Variants in TYR observed in about 807,000 individuals in gnomAD.
TYR encodes LB24-AB.
TYR carries 58 observed loss-of-function variants against 51.5 expected under a neutral mutation model. That is an observed-to-expected ratio of 1.13 (90% CI 0.91 to 1.40). TYR has a LOEUF of 1.40. Ranked by LOEUF, TYR falls within the 40% of genes most tolerant of loss-of-function variation. The pLI, the probability that TYR is intolerant of heterozygous loss-of-function variation, is 0.00. For synonymous variants in TYR, 263 were observed against 235.2 expected, an observed-to-expected ratio of 1.12 and a Z score of -1.08; for missense variants, 732 against 647.4, an observed-to-expected ratio of 1.13 and a Z score of -1.42.
chr11:89,266,555 T>C (rs1378705032), intron 3 of TYR, among the ~76,000 whole-genome samples: 1 of 151,952 alleles, frequency 6.6e-6, no homozygotes, highest in Non-Finnish European at 1.5e-5. Context: ...CCAATCTGCG[T>C]AACACCTCCA....
At chr11:89,247,821 G>T (rs1223628242) in intron 3 of TYR, among the ~76,000 whole-genome samples, 1 of 152,150 alleles carries the variant, frequency 6.6e-6, no homozygotes, top group African/African-American at 2.4e-5. Context: ...GGATATTTAG[G>T]CAGACAGAAG....
chr11:89,221,177 G>A (rs1943907765), intron 2 of TYR, among the ~76,000 whole-genome samples: 1 of 152,208 alleles, frequency 6.6e-6, no homozygotes, highest in South Asian at 2.1e-4. Flanking sequence ...GTGACTCACT[G>A]TTAGGGTTAG....
chr11:89,208,445 C>A (rs149626900), intron 2 of TYR, among the ~76,000 whole-genome samples: 30 of 152,032 alleles, frequency 2.0e-4, no homozygotes, highest in Non-Finnish European at 3.7e-4. Context: ...TCAAGAGAAC[C>A]AATGTGTAAC....
At chr11:89,262,789 CAAG>C (rs1430552027) in intron 3 of TYR, among the ~76,000 whole-genome samples, 2 of 76,850 alleles carry the variant, frequency 2.6e-5, no homozygotes, top group African/African-American at 5.2e-5. Context: ...AAAACAGACT[CAAG>C]AAGAAATAGA....
intron 3 of TYR, among the ~76,000 whole-genome samples, chr11:89,255,909 T>C (rs1944385501): frequency 6.6e-6 from 1 of 151,708 alleles, no homozygotes; most frequent in African/African-American, 2.4e-5. Flanking sequence ...TCAGAAATTT[T>C]TGATATTTAT....
At chr11:89,189,273 TA>T (rs1453879316) in intron 1 of TYR, among the ~76,000 whole-genome samples, 1 of 152,054 alleles carries the variant, frequency 6.6e-6, no homozygotes, top group African/African-American at 2.4e-5. Context: ...TTTTGTGATG[TA>T]AATGAAACAA....
chr11:89,216,199 G>A (rs1380081573), intron 2 of TYR, among the ~76,000 whole-genome samples: 4 of 152,086 alleles, frequency 2.6e-5, no homozygotes. Flanking sequence ...AGAAAATGCA[G>A]TAAGAAAAAG....
intron 2 of TYR, among the ~76,000 whole-genome samples, chr11:89,212,383 C>T (rs1017681869): frequency 1.9e-4 from 29 of 152,142 alleles, no homozygotes; most frequent in Non-Finnish European, 7.4e-5. Flanking sequence ...CAAGACTAAA[C>T]CAGGAAGAAG....
At chr11:89,237,641 T>C (rs2135288781) in intron 3 of TYR, among the ~76,000 whole-genome samples, 1 of 152,302 alleles carries the variant, frequency 6.6e-6, no homozygotes, top group Admixed American at 6.5e-5. Flanking sequence ...CCTGCTTTGT[T>C]TTTATTACTC....
chr11:89,283,284 A>G (rs1454510594), intron 3 of TYR, among the ~76,000 whole-genome samples: 2 of 151,712 alleles, frequency 1.3e-5, no homozygotes, highest in Non-Finnish European at 2.9e-5. Context: ...CCTCTAATAA[A>G]CAGAATTGTT....
At chr11:89,198,513 A>G (rs899401147) in intron 2 of TYR, among the ~76,000 whole-genome samples, 15 of 152,102 alleles carry the variant, frequency 9.9e-5, no homozygotes, top group Non-Finnish European at 1.6e-4. Flanking sequence ...CTTGATAACC[A>G]CATTGGTATT....
chr11:89,219,183 A>G (rs1156808731), intron 2 of TYR, among the ~76,000 whole-genome samples: 1 of 152,210 alleles, frequency 6.6e-6, no homozygotes, highest in Admixed American at 6.5e-5. Context: ...GCCAAATTCC[A>G]AACAATAGAC....
intron 1 of TYR, among the ~76,000 whole-genome samples, chr11:89,184,747 T>A (rs543915159): frequency 6.6e-6 from 1 of 152,166 alleles, no homozygotes; most frequent in African/African-American, 2.4e-5. Flanking sequence ...CTAAAAAACA[T>A]GTTCATTGCC....
At chr11:89,244,934 G>T (rs182994464) in intron 3 of TYR, among the ~76,000 whole-genome samples, 2 of 152,306 alleles carry the variant, frequency 1.3e-5, no homozygotes, top group African/African-American at 4.8e-5. Context: ...AGTAATAGTG[G>T]CTCAATAGGA....
intron 3 of TYR, among the ~76,000 whole-genome samples, chr11:89,271,710 T>C (rs1944590542): frequency 6.6e-6 from 1 of 151,942 alleles, no homozygotes; most frequent in African/African-American, 2.4e-5. Flanking sequence ...GTGATGCTGT[T>C]TGATAGCATT....
In TYR at chr11:89,295,377, C is replaced by T; in HGVS notation, c.*11C>T. On this transcript the variant is annotated 3_prime_UTR_variant, in exon 5 of 5. Transcript: ENST00000263321. Reference sequence around the variant, plus strand: ...CAGAGCCATTTATAAAAGGCTTAGGCAATAGAGTAGGGCCAAAAAGCCTGA... The same window carrying T: ...CAGAGCCATTTATAAAAGGCTTAGGTAATAGAGTAGGGCCAAAAAGCCTGA... The T allele has an allele frequency of 1.3e-6, 2 of 1,574,248 alleles. No individual in the cohort carries two copies. Among genetic ancestry groups the T allele is most frequent in the Non-Finnish European group, 8.7e-7 (1 of 1,149,294 alleles).
rs538268401 is a variant in TYR, at chr11:89,211,830, C to T, written c.1037-15993C>T. 1.3e-5 allele frequency among the ~76,000 whole-genome samples: 2 copies of T among 152,268 alleles called. 1 individual carries two copies. Among genetic ancestry groups the T allele is most frequent in the Middle Eastern group, 6.8e-3 (2 of 294 alleles). ...ACACAACTACATGGAAACTGAACAA[C>T]CTGCTCCTAAATGACTGCTGGGTAA... On this transcript the variant is annotated intron_variant, in intron 2 of 4. Coordinates refer to ENST00000263321, the MANE Select transcript of TYR (RefSeq NM_000372.5).
chr11:89,202,285 T>G (rs1943607383), intron 2 of TYR, among the ~76,000 whole-genome samples: 2 of 152,056 alleles, frequency 1.3e-5, no homozygotes, highest in South Asian at 4.1e-4. Context: ...TTGTCTACAG[T>G]GGATTGGGTG....
At chr11:89,228,119 T>A in intron 3 of TYR, 149 bp downstream of exon 3, 1 of 891,748 alleles carries the variant, frequency 1.1e-6, no homozygotes, top group Non-Finnish European at 1.8e-6. Flanking sequence ...GACCTTAGGC[T>A]AAGAATTTGC....
Sources: allele counts gnomAD v4.1 joint callset (sites outside exome capture counted in the v4.1 genomes callset), GRCh38; gene constraint gnomAD v4.1.1; transcripts MANE v1.5; gene names NCBI Gene and HGNC (gene_info 2026-07-23, HGNC 2026-07-21).